PCDH9: variants seen among roughly 807,000 people sequenced by gnomAD.
PCDH9 encodes the protein protocadherin-9.
Under a neutral mutation model 70.6 loss-of-function variants are expected in PCDH9, and 24 were observed. That is an observed-to-expected ratio of 0.34 (90% CI 0.25 to 0.48). The LOEUF is 0.48. Ranked by LOEUF, PCDH9 falls within the 20% of genes least tolerant of loss-of-function variation. PCDH9 has a pLI of 0.99. For synonymous variants in PCDH9, 562 were observed against 558.5 expected (o/e 1.01, Z -0.09); for missense variants, 1,281 against 1,503.6 (o/e 0.85, Z 2.45).
At chr13:66,945,306 T>C (rs1025459310) in intron 2 of PCDH9, among the ~76,000 whole-genome samples, 2 of 152,078 alleles carry the variant, frequency 1.3e-5, no homozygotes, top group African/African-American at 4.8e-5. Context: ...CTTTCTGTAG[T>C]GAGGCATACT....
At chr13:66,597,141 A>T (rs1430437617) in intron 4 of PCDH9, among the ~76,000 whole-genome samples, 2 of 151,740 alleles carry the variant, frequency 1.3e-5, no homozygotes, top group East Asian at 3.9e-4. Context: ...TAGACATCCC[A>T]TGTTCATGGG....
chr13:66,772,048 A>G (rs1285145168), intron 3 of PCDH9, among the ~76,000 whole-genome samples: 1 of 152,234 alleles, frequency 6.6e-6, no homozygotes, highest in African/African-American at 2.4e-5. Context: ...ACATGGAACA[A>G]TTGGGTCCTA....
intron 3 of PCDH9, among the ~76,000 whole-genome samples, chr13:66,646,341 T>C (rs2077771084): frequency 6.6e-6 from 1 of 152,202 alleles, no homozygotes; most frequent in African/African-American, 2.4e-5. Context: ...TCACTGTATT[T>C]TCTGAAATTA....
At chr13:66,918,855 T>C (rs1450438982) in intron 2 of PCDH9, among the ~76,000 whole-genome samples, 2 of 151,290 alleles carry the variant, frequency 1.3e-5, no homozygotes, top group African/African-American at 4.8e-5. Flanking sequence ...TTTCAACCTT[T>C]GGTTTTCCAC....
chr13:66,731,833 T>G (rs2079083382), intron 3 of PCDH9, among the ~76,000 whole-genome samples: 1 of 152,068 alleles, frequency 6.6e-6, no homozygotes, highest in Admixed American at 6.6e-5. Context: ...AAACACAATT[T>G]AAAGTATTTT....
intron 4 of PCDH9, among the ~76,000 whole-genome samples, chr13:66,541,709 C>G (rs1179867803): frequency 6.6e-6 from 1 of 152,118 alleles, no homozygotes; most frequent in Non-Finnish European, 1.5e-5. Flanking sequence ...CCAATTACTT[C>G]TGCAAATATC....
intron 4 of PCDH9, among the ~76,000 whole-genome samples, chr13:66,498,059 A>G (rs1328338196): frequency 6.6e-6 from 1 of 151,422 alleles, no homozygotes; most frequent in Admixed American, 6.6e-5. Flanking sequence ...ACCTCAAGTG[A>G]TCCTCCCGCC....
At chr13:66,826,942 T>C (rs1206324199) in intron 3 of PCDH9, among the ~76,000 whole-genome samples, 1 of 152,178 alleles carries the variant, frequency 6.6e-6, no homozygotes, top group Non-Finnish European at 1.5e-5. Context: ...CTACAACCTG[T>C]AAATGCTACC....
intron 3 of PCDH9, among the ~76,000 whole-genome samples, chr13:66,855,284 T>C (rs2081377394): frequency 6.6e-6 from 1 of 152,112 alleles, no homozygotes; most frequent in Non-Finnish European, 1.5e-5. Flanking sequence ...CACTACAAAA[T>C]GATAACATAA....
intron 4 of PCDH9, among the ~76,000 whole-genome samples, chr13:66,412,061 G>C (rs796702360): frequency 6.6e-6 from 1 of 152,176 alleles, no homozygotes; most frequent in Non-Finnish European, 1.5e-5. Flanking sequence ...CTTTTCATGG[G>C]AGAAGACACA....
At chr13:67,148,520 C>G (rs1488984013) in intron 2 of PCDH9, among the ~76,000 whole-genome samples, 1 of 151,880 alleles carries the variant, frequency 6.6e-6, no homozygotes, top group Non-Finnish European at 1.5e-5. Context: ...GGTTAGAACA[C>G]CCGTGCAAGT....
chr13:66,509,968 G>T (rs9592473), intron 4 of PCDH9, among the ~76,000 whole-genome samples: 1 of 152,214 alleles, frequency 6.6e-6, no homozygotes, highest in Non-Finnish European at 1.5e-5. Flanking sequence ...TTTCACATGC[G>T]CTTTCAAGGT....
intron 4 of PCDH9, among the ~76,000 whole-genome samples, chr13:66,367,150 T>C (rs1956566482): frequency 1.3e-5 from 2 of 152,276 alleles, no homozygotes; most frequent in African/African-American, 2.4e-5. Context: ...ACCAAACCAA[T>C]GTTAAACGTA....
intron 3 of PCDH9, among the ~76,000 whole-genome samples, chr13:66,732,166 T>C (rs1420462491): frequency 2.6e-5 from 4 of 152,012 alleles, no homozygotes; most frequent in Non-Finnish European, 4.4e-5. Flanking sequence ...GTATGTATTC[T>C]TGGAATACAT....
At chr13:67,052,780 TG>T (rs1451881416) in intron 2 of PCDH9, among the ~76,000 whole-genome samples, 1 of 152,040 alleles carries the variant, frequency 6.6e-6, no homozygotes. Flanking sequence ...TATTCGACGG[TG>T]GAGGCGGAAG....
chr13:66,754,953 G>T, intron 3 of PCDH9, among the ~76,000 whole-genome samples: 1 of 149,454 alleles, frequency 6.7e-6, no homozygotes, highest in East Asian at 1.9e-4. Context: ...TATCAACAGG[G>T]AAAAAATTAT....
chr13:66,314,259 G>A (rs11839003), intron 4 of PCDH9, among the ~76,000 whole-genome samples: 2,321 of 152,234 alleles, frequency 0.015, 59 homozygotes, highest in African/African-American at 0.054. Flanking sequence ...AACTAATAAC[G>A]TTTTCAGGCT....
intron 2 of PCDH9, among the ~76,000 whole-genome samples, chr13:66,992,191 AT>A (rs1165289814): frequency 6.6e-6 from 1 of 152,190 alleles, no homozygotes; most frequent in East Asian, 1.9e-4. Flanking sequence ...AGGCAAAGAT[AT>A]TCCCTAGAAA....
At chr13:66,524,527 C>T (rs1960132270) in intron 4 of PCDH9, among the ~76,000 whole-genome samples, 1 of 152,012 alleles carries the variant, frequency 6.6e-6, no homozygotes, top group Admixed American at 6.6e-5. Flanking sequence ...ATTTCAAGAC[C>T]TGTTTCAAAC....
Sources: gnomAD v4.1 joint callset for allele counts (sites outside exome capture counted in the v4.1 genomes callset) on GRCh38, gnomAD v4.1.1 for gene constraint, MANE v1.5 for transcripts, NCBI Gene and HGNC (gene_info 2026-07-23, HGNC 2026-07-21) for gene names.